Variants in ADPGK observed in about 807,000 individuals in gnomAD.
ADPGK encodes the protein ADP dependent glucokinase.
In ADPGK, 26 loss-of-function variants were observed where a neutral mutation model predicts 42.4. The ratio of observed to expected loss-of-function variants is 0.61; its 90% CI spans 0.45 to 0.85. ADPGK has a LOEUF of 0.85. Among genes scored for constraint, ADPGK ranks in the 40% least tolerant of loss-of-function variants. The probability of loss-of-function intolerance (pLI) is 0.00; values close to 1 mark genes in which losing one functional copy is unlikely to be tolerated. For synonymous variants in ADPGK, 267 were observed against 252.6 expected (o/e 1.06, Z -0.54); for missense variants, 571 against 627.0 (o/e 0.91, Z 0.95).
chr15:72,777,083 C>T (rs186688875), intron 1 of ADPGK, among the ~76,000 whole-genome samples: 95 of 152,316 alleles, frequency 6.2e-4, no homozygotes, highest in African/African-American at 2.2e-3. Context: ...AAAATCTTTC[C>T]TTTCACAACC....
At chr15:72,762,746 C>T (rs1246291322) in intron 3 of ADPGK, among the ~76,000 whole-genome samples, 1 of 152,208 alleles carries the variant, frequency 6.6e-6, no homozygotes, top group Non-Finnish European at 1.5e-5. Context: ...CTTTGGGAGG[C>T]TGAGACAGGC....
intron 3 of ADPGK, among the ~76,000 whole-genome samples, chr15:72,768,782 C>G (rs1193686724): frequency 6.6e-6 from 1 of 151,952 alleles, no homozygotes; most frequent in Non-Finnish European, 1.5e-5. Flanking sequence ...ACTAGCCTGG[C>G]AACATGGTGA....
chr15:72,766,467 A>T (rs543348892), intron 3 of ADPGK, among the ~76,000 whole-genome samples: 1 of 152,220 alleles, frequency 6.6e-6, no homozygotes, highest in Non-Finnish European at 1.5e-5. Flanking sequence ...TCAAGGCAAA[A>T]CACTCTGCCA....
intron 3 of ADPGK, among the ~76,000 whole-genome samples, chr15:72,765,124 C>G (rs1036261406): frequency 3.3e-5 from 5 of 152,186 alleles, no homozygotes; most frequent in African/African-American, 1.2e-4. Flanking sequence ...AACATCCATT[C>G]TGCAACCCAT....
At chr15:72,780,353 AACTC>A (rs2066442444) in intron 1 of ADPGK, among the ~76,000 whole-genome samples, 1 of 152,158 alleles carries the variant, frequency 6.6e-6, no homozygotes, top group Non-Finnish European at 1.5e-5. Flanking sequence ...CATGAGAACG[AACTC>A]ACTATCAGGA....
intron 4 of ADPGK, among the ~76,000 whole-genome samples, chr15:72,758,897 C>T (rs1320269591): frequency 6.6e-6 from 1 of 152,216 alleles, no homozygotes; most frequent in Non-Finnish European, 1.5e-5. Context: ...TTTAGCAATT[C>T]CAGACCCTTC....
rs1384166619 is a variant in ADPGK at position 72,752,143 on chromosome 15, AAAAC to A, written c.*194_*197del. 1 of 620,546 alleles carries A rather than the reference AAAAC, an allele frequency of 1.6e-6. No homozygotes were observed. The highest frequency in any genetic ancestry group is 2.7e-6 in the Non-Finnish European group (1 of 371,142). The allele number at this position is 620,546 out of a possible 1,614,324, so 38.4% of individuals were successfully genotyped here. ...TTTAGCTCTGTGACACACAACATAA[AAAAC>A]AAAAATCCAGTCTCATTAGCTAAAT... On this transcript the variant is annotated 3_prime_UTR_variant, in exon 7 of 7. Transcript: ENST00000456471.
intron 6 of ADPGK, 30 bp downstream of exon 6, chr15:72,755,526 C>A: frequency 6.4e-7 from 1 of 1,552,152 alleles, no homozygotes; most frequent in South Asian, 1.1e-5. Flanking sequence ...CTATGAGGAT[C>A]AGGGCCAAAC....
chr15:72,755,789 A>C, intron 5 of ADPGK, 135 bp from the exon 6 acceptor site: 1 of 683,558 alleles, frequency 1.5e-6, no homozygotes. Context: ...GCTACAAGCA[A>C]TGTGGGTCCC....
At chr15:72,755,739 G>C (rs894801512) in intron 5 of ADPGK, 85 bp from the exon 6 acceptor site, 1 of 1,050,406 alleles carries the variant, frequency 9.5e-7, no homozygotes. Flanking sequence ...CCTGAGAGGC[G>C]GTTCCTCCTG....
Position 72,771,840 on chromosome 15 carries a change from A to G in ADPGK, c.465T>C (p.Tyr155=). Residue 155 remains tyrosine, a synonymous_variant, in exon 3 of 7, where the codon TAT becomes TAC. Transcript: ENST00000456471. ...VASEFPGAQH[Y]VGGNAALIGQ... Reference sequence around the variant, plus strand: ...CAATTAAAGCTGCATTTCCTCCTACATAGTGCTGTAAGAGAGTTCAAGGCT... The same window carrying G: ...CAATTAAAGCTGCATTTCCTCCTACGTAGTGCTGTAAGAGAGTTCAAGGCT... 1 of 1,612,812 alleles carries G rather than the reference A, an allele frequency of 6.2e-7. No homozygotes were observed. The highest frequency in any genetic ancestry group is 2.2e-5 in the East Asian group (1 of 44,788).
chr15:72,764,590 G>A (rs2066234990), intron 3 of ADPGK, among the ~76,000 whole-genome samples: 1 of 152,210 alleles, frequency 6.6e-6, no homozygotes, highest in Admixed American at 6.5e-5. Context: ...TGTAGAAGCT[G>A]CAGCAAGTTA....
intron 1 of ADPGK, among the ~76,000 whole-genome samples, chr15:72,775,391 G>GT (rs2066379347): frequency 1.3e-5 from 2 of 152,184 alleles, no homozygotes. Flanking sequence ...TAACAAAAAT[G>GT]TAACATTTCT....
chr15:72,783,510 C>G lies in ADPGK; in HGVS notation c.182G>C (p.Trp61Ser). 6.8e-7 allele frequency: 1 copy of G among 1,471,422 alleles called. No individual in the cohort carries two copies. The highest frequency in any genetic ancestry group is 1.3e-5 in the South Asian group (1 of 76,870). The allele number at this position is 1,471,422 out of a possible 1,614,324, so 91.1% of individuals were successfully genotyped here. The change falls in exon 1 of 7, where the codon TGG (tryptophan) becomes TCG (serine). Residue 61 changes from tryptophan to serine, a missense_variant. Around this residue, in one of 2 missense-constraint regions of ADPGK, gnomAD observed 137 missense variants for 104.2 expected, o/e 1.31. Coordinates refer to ENST00000456471, the MANE Select transcript of ADPGK (RefSeq NM_001365225.1). Reference protein sequence around the residue: ...VSPEGRLAAAWDALIVRPVRR... With the variant: ...VSPEGRLAAASDALIVRPVRR... ...GACTGGCCGCACGATAAGCGCGTCC[C>G]AGGCTGCCGCCAACCGGCCCTCGGG...
At chr15:72,756,547 A>G in intron 4 of ADPGK, 100 bp from the exon 5 acceptor site, 1 of 1,323,558 alleles carries the variant, frequency 7.6e-7, no homozygotes, top group Non-Finnish European at 1.0e-6. Context: ...CCTTGGCTCC[A>G]AGCAGGCTGG....
intron 3 of ADPGK, among the ~76,000 whole-genome samples, chr15:72,761,075 G>T (rs973262242): frequency 3.9e-5 from 6 of 152,170 alleles, no homozygotes; most frequent in Non-Finnish European, 8.8e-5. Flanking sequence ...TGCAAGCCAG[G>T]AAGAGACTTC....
At chr15:72,778,321 T>C (rs2066415047) in intron 1 of ADPGK, among the ~76,000 whole-genome samples, 1 of 152,212 alleles carries the variant, frequency 6.6e-6, no homozygotes. Context: ...TGTTCTGTTT[T>C]ATAATACTTT....
chr15:72,767,721 C>T (rs192255622), intron 3 of ADPGK, among the ~76,000 whole-genome samples: 108 of 152,184 alleles, frequency 7.1e-4, no homozygotes, highest in African/African-American at 2.5e-3. Context: ...TATTAAATGG[C>T]ACATCTCAAT....
intron 4 of ADPGK, 102 bp downstream of exon 4, chr15:72,760,305 C>A (rs1474431785): frequency 7.2e-7 from 1 of 1,388,578 alleles, no homozygotes; most frequent in African/African-American, 1.4e-5. Flanking sequence ...AAACAGGATC[C>A]TGCTAATTTA....
Sources: gnomAD v4.1 joint callset for allele counts (sites outside exome capture counted in the v4.1 genomes callset) on GRCh38, gnomAD v4.1.1 for gene constraint, gnomAD v4.1.1 regional missense constraint, MANE v1.5 for transcripts, NCBI Gene and HGNC (gene_info 2026-07-23, HGNC 2026-07-21) for gene names.